SLC22A15: variants seen among roughly 807,000 people sequenced by gnomAD.
The protein encoded by SLC22A15 is solute carrier family 22 member 15.
SLC22A15 carries 45 observed loss-of-function variants against 62.7 expected under a neutral mutation model. The observed-to-expected ratio is 0.72, with a 90% CI of 0.56 to 0.92. SLC22A15 has a LOEUF of 0.92. Among genes scored for constraint, SLC22A15 ranks in the 40% least tolerant of loss-of-function variants. The pLI is 0.00. For missense variants in SLC22A15, 622 were observed against 665.6 expected (o/e 0.93, Z 0.72); for synonymous variants, 264 against 267.0 (o/e 0.99, Z 0.11).
chr1:115,977,616 G>A (rs1654379915), intron 1 of SLC22A15, among the ~76,000 whole-genome samples: 1 of 152,168 alleles, frequency 6.6e-6, no homozygotes, highest in Non-Finnish European at 1.5e-5. Flanking sequence ...GGTTTAATAC[G>A]GGCTAGGATG....
chr1:116,033,800 G>C (rs1457688265), intron 6 of SLC22A15, among the ~76,000 whole-genome samples: 2 of 152,134 alleles, frequency 1.3e-5, no homozygotes, highest in South Asian at 2.1e-4. Flanking sequence ...GTGTCACCTT[G>C]CATCCTTACA....
chr1:116,005,576 T>C (rs904034980), intron 2 of SLC22A15, among the ~76,000 whole-genome samples: 1 of 152,168 alleles, frequency 6.6e-6, no homozygotes, highest in Non-Finnish European at 1.5e-5. Context: ...GCTTGAGAAG[T>C]CCTAGCTCTT....
Position 116,066,570 on chromosome 1 carries a change from G to C in SLC22A15, c.1416G>C (p.Leu472=). The C allele has an allele frequency of 6.2e-7, 1 of 1,607,742 alleles. No individual in the cohort carries two copies. Among genetic ancestry groups the C allele is most frequent in the Non-Finnish European group, 8.5e-7 (1 of 1,176,956 alleles). Residue 472 remains leucine (L), a synonymous_variant, in exon 11 of 12, where the codon CTG becomes CTC. Coordinates refer to ENST00000369503, the MANE Select transcript of SLC22A15 (RefSeq NM_018420.3). ...LPFIVFGATG[L]TSGLLSLLLP... The stretch of plus-strand genomic sequence containing the variant: ...TCATTGTCTTCGGAGCCACGGGTCT[G>C]ACCTCCGGCCTCCTGAGTTTGTTAT...
intron 1 of SLC22A15, among the ~76,000 whole-genome samples, chr1:115,984,088 A>T (rs1654741669): frequency 6.6e-6 from 1 of 152,260 alleles, no homozygotes; most frequent in Admixed American, 6.5e-5. Context: ...ATTTGAATTG[A>T]TTTTAAAGAA....
At chr1:116,026,541 A>G (rs1172322475) in intron 4 of SLC22A15, among the ~76,000 whole-genome samples, 1 of 152,182 alleles carries the variant, frequency 6.6e-6, no homozygotes, top group Admixed American at 6.5e-5. Flanking sequence ...AAAGCGTATT[A>G]CCCATATGGC....
At chr1:116,064,287 C>CATCT (rs1356632374) in intron 9 of SLC22A15, 149 bp from the exon 10 acceptor site, 2 of 609,748 alleles carry the variant, frequency 3.3e-6, no homozygotes, top group Non-Finnish European at 3.0e-6. Flanking sequence ...ATCTCAGGAA[C>CATCT]ATCTAGTAGG....
intron 8 of SLC22A15, among the ~76,000 whole-genome samples, chr1:116,055,941 G>C (rs1426393094): frequency 1.3e-4 from 18 of 143,160 alleles, no homozygotes; most frequent in East Asian, 8.2e-4. Context: ...AAACCCACAG[G>C]CAATATCATA....
intron 1 of SLC22A15, among the ~76,000 whole-genome samples, chr1:115,977,507 A>C (rs910531798): frequency 6.6e-6 from 1 of 152,244 alleles, no homozygotes; most frequent in African/African-American, 2.4e-5. Context: ...CTCATTTGAC[A>C]TTAGTCGCTT....
At chr1:116,013,723 G>A (rs1029173551) in intron 2 of SLC22A15, 1 of 152,126 alleles carries the variant, frequency 6.6e-6, no homozygotes, top group Non-Finnish European at 1.5e-5. Flanking sequence ...AAAGCTTAAG[G>A]TTTTATGATT....
intron 2 of SLC22A15, chr1:116,013,730 G>A (rs140384382): frequency 5.3e-5 from 8 of 152,162 alleles, no homozygotes; most frequent in African/African-American, 1.7e-4. Flanking sequence ...AAGGTTTTAT[G>A]ATTTTAAGAG....
At chr1:115,984,523 C>T (rs1353240987) in intron 1 of SLC22A15, among the ~76,000 whole-genome samples, 1 of 152,162 alleles carries the variant, frequency 6.6e-6, no homozygotes, top group East Asian at 1.9e-4. Flanking sequence ...CGACACTGGG[C>T]CCATAAGATC....
intron 1 of SLC22A15, among the ~76,000 whole-genome samples, chr1:115,986,668 G>GT (rs1001730934): frequency 2.0e-5 from 3 of 152,180 alleles, no homozygotes; most frequent in African/African-American, 7.2e-5. Context: ...GTTGTTGGTT[G>GT]TTGCAGCTTA....
chr1:116,032,651 A>G lies in SLC22A15; in HGVS notation c.944+1070A>G, dbSNP rs562934428. The G allele has an allele frequency of 1.1e-5, 11 of 984,500 alleles. No individual in the cohort carries two copies. The African/African-American group carries it at 1.6e-4, about 14-fold the overall frequency. 61.0% of individuals were successfully genotyped at this position (984,500 alleles called of 1,614,324 possible). A position where few individuals can be genotyped will look rare whatever the true frequency, so the allele number is the denominator to read the frequency against. ...AACTGCTGCTTTCCCCCACAGAACC[A>G]TCACAGCACTAGGAATATCACAGAT... On this transcript the variant is annotated intron_variant, in intron 6 of 11. Coordinates refer to ENST00000369503, the MANE Select transcript of SLC22A15 (RefSeq NM_018420.3).
intron 5 of SLC22A15, 51 bp from the exon 6 acceptor site, chr1:116,031,315 T>C: frequency 7.2e-7 from 1 of 1,395,234 alleles, no homozygotes; most frequent in Non-Finnish European, 1.0e-6. Context: ...GTCTCCTTCC[T>C]GTGCACGTGT....
chr1:116,023,475 A>G (rs753317815), intron 4 of SLC22A15, among the ~76,000 whole-genome samples: 1 of 152,250 alleles, frequency 6.6e-6, no homozygotes, highest in Non-Finnish European at 1.5e-5. Flanking sequence ...AGAGACGACC[A>G]TGGTTAACAT....
chr1:116,005,127 T>G (rs1655914383), intron 2 of SLC22A15, among the ~76,000 whole-genome samples: 1 of 152,180 alleles, frequency 6.6e-6, no homozygotes, highest in African/African-American at 2.4e-5. Flanking sequence ...AGAATGAGCA[T>G]TTTGTTTGAT....
chr1:115,996,870 C>G (rs1320923842), intron 2 of SLC22A15, among the ~76,000 whole-genome samples: 3 of 151,392 alleles, frequency 2.0e-5, no homozygotes, highest in Non-Finnish European at 4.4e-5. Context: ...CTTATTAATT[C>G]TAGGTGCTTT....
chr1:115,987,575 C>T (rs1000465261), intron 1 of SLC22A15, among the ~76,000 whole-genome samples: 1 of 152,148 alleles, frequency 6.6e-6, no homozygotes, highest in Non-Finnish European at 1.5e-5. Context: ...AGTCAACCAA[C>T]AAATATTTAT....
intron 2 of SLC22A15, among the ~76,000 whole-genome samples, chr1:116,001,327 G>A (rs931907832): frequency 9.2e-5 from 14 of 151,784 alleles, no homozygotes; most frequent in Non-Finnish European, 1.5e-4. Flanking sequence ...TGAGTTAAAT[G>A]TGCTTGGTGT....
Sources: allele counts gnomAD v4.1 joint callset (sites outside exome capture counted in the v4.1 genomes callset), GRCh38; gene constraint gnomAD v4.1.1; transcripts MANE v1.5; gene names NCBI Gene and HGNC (gene_info 2026-07-23, HGNC 2026-07-21).